MCFD2: variants seen among roughly 807,000 people sequenced by gnomAD.
MCFD2 encodes multiple coagulation factor deficiency 2, ER cargo receptor complex subunit.
In MCFD2, 11 loss-of-function variants were observed where a neutral mutation model predicts 12.8. The ratio of observed to expected loss-of-function variants is 0.86; its 90% confidence interval spans 0.54 to 1.42. The LOEUF (loss-of-function observed/expected upper bound fraction) is 1.42. Among genes scored for constraint, MCFD2 ranks in the 40% most tolerant of loss-of-function variants. The pLI is 0.00. For missense variants in MCFD2, 191 were observed against 178.6 expected (o/e 1.07, Z -0.40); for synonymous variants, 70 against 68.1 (o/e 1.03, Z -0.14).
chr2:46,918,435 G>C (rs571203022), upstream of MCFD2, among the ~76,000 whole-genome samples: 5 of 152,330 alleles, frequency 3.3e-5, no homozygotes, highest in South Asian at 1.0e-3. Context: ...TGACCGTCCT[G>C]CTTCCATTCT....
At chr2:46,931,746 A>G (rs989622870) in intron 1 of MCFD2, among the ~76,000 whole-genome samples, 1 of 151,554 alleles carries the variant, frequency 6.6e-6, no homozygotes, top group Non-Finnish European at 1.5e-5. Flanking sequence ...TCCCTGTCAA[A>G]TCATGAGTAG....
At chr2:46,913,835 C>A in intron 1 of MCFD2, 1 of 153,700 alleles carries the variant, frequency 6.5e-6, no homozygotes, top group Non-Finnish European at 1.4e-5. Flanking sequence ...TGTACCACAG[C>A]CTCCGCTCCT....
At position 46,908,933 on chromosome 2, in the gene MCFD2, A is replaced by C. The variant is rs1668360662; in HGVS notation, c.149+90T>G. 2 of 1,515,046 alleles carry C rather than the reference A, an allele frequency of 1.3e-6. No homozygotes were observed. Among genetic ancestry groups the C allele is most frequent in the Non-Finnish European group, 1.8e-6 (2 of 1,090,236 alleles). 93.9% of individuals were successfully genotyped at this position (1,515,046 alleles called of 1,614,324 possible). ...GTCAAGGAGCCATAGAAACAGGAAG[A>C]AGGAAAGGAGGACTGAGCATGCCCT... On this transcript the variant is annotated intron_variant, in intron 2 of 3. Transcript: ENST00000319466. This position sits in a 1 kb window ranked among gnomAD's most constrained non-coding sequence, Gnocchi z 4.5.
At chr2:46,938,187 G>A (rs1670073249) in intron 1 of MCFD2, among the ~76,000 whole-genome samples, 1 of 152,008 alleles carries the variant, frequency 6.6e-6, no homozygotes, top group Non-Finnish European at 1.5e-5. Context: ...AAAGAAAAAA[G>A]CAAAAATCAA....
At chr2:46,935,429 A>AC (rs1417679970) in intron 1 of MCFD2, among the ~76,000 whole-genome samples, 1 of 152,188 alleles carries the variant, frequency 6.6e-6, no homozygotes, top group Non-Finnish European at 1.5e-5. Flanking sequence ...AAATAAAAAA[A>AC]CAAAACAGAC....
At chr2:46,915,615 G>A (rs1668709431) in intron 1 of MCFD2, 108 bp downstream of exon 1, 2 of 280,548 alleles carry the variant, frequency 7.1e-6, no homozygotes, top group Non-Finnish European at 5.4e-6. Context: ...TGGGGGCCCA[G>A]CCCGCGCCCC....
chr2:46,924,197 C>T (rs1474043557), intron 1 of MCFD2, among the ~76,000 whole-genome samples: 1 of 148,118 alleles, frequency 6.8e-6, no homozygotes, highest in Non-Finnish European at 1.5e-5. Context: ...GAATGAGATC[C>T]TGTCTCTTTA....
At position 46,941,779 on chromosome 2, in the gene MCFD2, C is replaced by T. The variant is rs1670419069; in HGVS notation, c.-215G>A. 1 of 1,543,884 alleles carries T rather than the reference C, an allele frequency of 6.5e-7. No individual in the cohort carries two copies. Among genetic ancestry groups the T allele is most frequent in the East Asian group, 2.5e-5 (1 of 40,812 alleles). On this transcript the variant is annotated 5_prime_UTR_variant, in exon 1 of 3. Transcript: ENST00000409147. This position sits in a 1 kb window ranked among gnomAD's most constrained non-coding sequence, Gnocchi z 4.2. ...GCAGCGAGCGCGCGAAACGCACCGC[C>T]TCCTCCAGGAAGCGCGCCCAGACAG...
upstream of MCFD2, among the ~76,000 whole-genome samples, chr2:46,920,562 C>G (rs1433229450): frequency 6.6e-6 from 1 of 151,544 alleles, no homozygotes; most frequent in African/African-American, 2.4e-5. Flanking sequence ...AACTCCTGAA[C>G]TCACGTGATC....
intron 1 of MCFD2, among the ~76,000 whole-genome samples, chr2:46,932,243 C>A (rs972810573): frequency 6.6e-6 from 1 of 151,676 alleles, no homozygotes; most frequent in Non-Finnish European, 1.5e-5. Context: ...TCTTCCTCCT[C>A]GGTTCAAGCA....
intron 1 of MCFD2, among the ~76,000 whole-genome samples, chr2:46,931,699 TA>T (rs1179271492): frequency 6.7e-6 from 1 of 149,470 alleles, no homozygotes; most frequent in Non-Finnish European, 1.5e-5. Context: ...CAATAATAAA[TA>T]AATAAATAAA....
intron 1 of MCFD2, among the ~76,000 whole-genome samples, chr2:46,936,248 A>C (rs1334852696): frequency 1.3e-5 from 2 of 152,172 alleles, no homozygotes; most frequent in Non-Finnish European, 2.9e-5. Flanking sequence ...TAACAACGCT[A>C]CTACTTGTCT....
rs1362009606 is a variant in MCFD2 at position 46,902,698 on chromosome 2, G to A, written c.*2765C>T. On this transcript the variant is annotated 3_prime_UTR_variant, in exon 4 of 4. Coordinates refer to ENST00000319466, the MANE Select transcript of MCFD2 (RefSeq NM_139279.6). ...TCAGAATCTCAGACTCTGTGGCTAG[G>A]CTGACATTCTTATGCTGTGGCTTTG... 3 of 152,534 alleles carry A rather than the reference G, an allele frequency of 2.0e-5. No homozygotes were observed. Among genetic ancestry groups the A allele is most frequent in the Non-Finnish European group, 2.9e-5 (2 of 68,032 alleles). The allele number at this position is 152,534 out of a possible 1,614,324, so 9.4% of individuals were successfully genotyped here.
At chr2:46,919,200 T>G (rs1668971981), upstream of MCFD2, among the ~76,000 whole-genome samples, 1 of 152,244 alleles carries the variant, frequency 6.6e-6, no homozygotes, top group Non-Finnish European at 1.5e-5. Context: ...ATTACTTATT[T>G]GGAAAAATAA....
upstream of MCFD2, chr2:46,915,806 GCCCCGCCCCCCCCCCCC>G: frequency 2.0e-6 from 1 of 512,582 alleles, no homozygotes; most frequent in African/African-American, 6.8e-5. Context: ...CCTCGGCTTC[GCCCCGCCCCCCCCCCCC>G]CCCCGACCTG....
intron 1 of MCFD2, among the ~76,000 whole-genome samples, chr2:46,938,636 G>A (rs568635037): frequency 1.3e-5 from 2 of 152,270 alleles, no homozygotes; most frequent in Admixed American, 6.5e-5. Context: ...ACTTTGGTGT[G>A]TAAATCAAGC....
rs971004733 is a variant in MCFD2 at position 46,937,743 on chromosome 2, G to C, written c.-8+3829C>G. Among the ~76,000 whole-genome samples the C allele has an allele frequency of 3.9e-5, 6 of 152,196 alleles. No individual in the cohort carries two copies. The highest frequency in any genetic ancestry group is 1.4e-4 in the African/African-American group (6 of 41,448). On this transcript the variant is annotated intron_variant, in intron 1 of 2. Coordinates refer to the MCFD2 transcript ENST00000409147. The surrounding 1 kb of genome is among the most constrained non-coding windows in gnomAD (Gnocchi z 4.0). ...ACGAGCTGCCATGCCTGGCCCAACA[G>C]TGATTTCAAAGGCCATGGATTGCAT...
At chr2:46,915,909 A>C (rs921819137), upstream of MCFD2, 3 of 984,030 alleles carry the variant, frequency 3.0e-6, no homozygotes, top group African/African-American at 5.3e-5. Context: ...GCGGGCTGTG[A>C]GGACGGCTCG....
intron 1 of MCFD2, among the ~76,000 whole-genome samples, chr2:46,911,267 A>G (rs567692154): frequency 6.6e-6 from 1 of 152,166 alleles, no homozygotes; most frequent in Non-Finnish European, 1.5e-5. Context: ...AGCTGGGATT[A>G]CAGGTGCATG....
Sources: allele counts gnomAD v4.1 joint callset (sites outside exome capture counted in the v4.1 genomes callset), GRCh38; gene constraint gnomAD v4.1.1; non-coding constraint Gnocchi (gnomAD v3.1); transcripts MANE v1.5; gene names NCBI Gene and HGNC (gene_info 2026-07-23, HGNC 2026-07-21).